SLCO5A1: variants seen among roughly 807,000 people sequenced by gnomAD.
SLCO5A1 encodes the protein solute carrier organic anion transporter family member 5A1.
A neutral mutation model predicts 65.1 loss-of-function variants in SLCO5A1; 39 were observed. The ratio of observed to expected loss-of-function variants is 0.60; its 90% CI spans 0.46 to 0.78. SLCO5A1 has a LOEUF of 0.78. SLCO5A1 is among the 30% of genes least tolerant of loss of function. The pLI is 0.00. For synonymous variants in SLCO5A1, 438 were observed against 415.7 expected, an observed-to-expected ratio of 1.05 and a Z score of -0.65; for missense variants, 1,029 against 1,069.4, an observed-to-expected ratio of 0.96 and a Z score of 0.53.
intron 3 of SLCO5A1, among the ~76,000 whole-genome samples, chr8:69,756,150 G>A (rs376460792): frequency 1.2e-4 from 19 of 152,100 alleles, no homozygotes; most frequent in East Asian, 3.8e-4. Flanking sequence ...CCAGCTGGGC[G>A]CGGTGACTCA....
At chr8:69,810,897 G>A (rs563483529) in intron 2 of SLCO5A1, among the ~76,000 whole-genome samples, 76 of 151,918 alleles carry the variant, frequency 5.0e-4, no homozygotes, top group Non-Finnish European at 8.1e-4. Context: ...TTTTTGTTTC[G>A]GTCTACATCC....
intron 6 of SLCO5A1, among the ~76,000 whole-genome samples, chr8:69,695,400 C>T (rs1006199029): frequency 6.6e-6 from 1 of 152,024 alleles, no homozygotes; most frequent in African/African-American, 2.4e-5. Context: ...GAGGCTGAGG[C>T]AGGGATAATT....
In SLCO5A1 at chr8:69,722,350, T is replaced by A. The variant is rs1305880336; in HGVS notation, c.1423+15690A>T. On this transcript the variant is annotated intron_variant, in intron 5 of 9. Coordinates refer to ENST00000260126, the MANE Select transcript of SLCO5A1 (RefSeq NM_030958.3). ...TTAATTGATCAATACAACAGCTCTA[T>A]AAACAGGTATTATCTCCTTATACAG... Among the ~76,000 whole-genome samples, 4 of 152,262 alleles carry A rather than the reference T, an allele frequency of 2.6e-5. No homozygotes were observed. The Middle Eastern group carries it at 0.01, about 388-fold the overall frequency.
chr8:69,711,557 C>T (rs1453130313), intron 5 of SLCO5A1, among the ~76,000 whole-genome samples: 1 of 152,184 alleles, frequency 6.6e-6, no homozygotes, highest in Non-Finnish European at 1.5e-5. Context: ...CACCCGAGGC[C>T]CGAGGTGCCA....
intron 5 of SLCO5A1, among the ~76,000 whole-genome samples, chr8:69,731,793 G>C (rs1816349317): frequency 6.6e-6 from 1 of 152,142 alleles, no homozygotes; most frequent in South Asian, 2.1e-4. Context: ...ACAAAATGTT[G>C]GTTTGCAAGT....
At position 69,750,110 on chromosome 8, in the gene SLCO5A1, A is replaced by G. The variant is rs115144905; in HGVS notation, c.1258+5314T>C. On this transcript the variant is annotated intron_variant, in intron 4 of 9. Transcript: ENST00000260126. ...GTGGGACTGAAAGGAGATAAAGTCG[A>G]AGAGGTAACCAGGGGTTAAATCATA... 9.0e-3 allele frequency among the ~76,000 whole-genome samples: 1,366 copies of G among 152,318 alleles called. 19 individuals carry two copies. Among genetic ancestry groups the G allele is most frequent in the African/African-American group, 0.031 (1,287 of 41,564 alleles).
At chr8:69,693,787 T>G (rs1210838325) in intron 6 of SLCO5A1, among the ~76,000 whole-genome samples, 5 of 152,220 alleles carry the variant, frequency 3.3e-5, no homozygotes, top group African/African-American at 1.2e-4. Flanking sequence ...GATCACATCT[T>G]AATGTTGAAG....
intron 6 of SLCO5A1, among the ~76,000 whole-genome samples, chr8:69,686,829 C>G (rs11775722): frequency 0.11 from 17,294 of 152,192 alleles, 1,247 homozygotes; most frequent in Non-Finnish European, 0.17. Flanking sequence ...TGCAGTTTTT[C>G]TCGCACTCTG....
intron 6 of SLCO5A1, among the ~76,000 whole-genome samples, chr8:69,684,189 A>C: frequency 6.6e-6 from 1 of 152,310 alleles, no homozygotes; most frequent in East Asian, 1.9e-4. Context: ...ATATACCTAA[A>C]AAAATATTAT....
At chr8:69,802,314 G>A (rs796239467) in intron 2 of SLCO5A1, among the ~76,000 whole-genome samples, 9 of 151,956 alleles carry the variant, frequency 5.9e-5, no homozygotes, top group African/African-American at 2.2e-4. Flanking sequence ...ACCAGTCTGG[G>A]CAACATAGTG....
chr8:69,690,058 G>C (rs181600180), intron 6 of SLCO5A1, among the ~76,000 whole-genome samples: 1 of 146,980 alleles, frequency 6.8e-6, no homozygotes, highest in Non-Finnish European at 1.5e-5. Context: ...GGTACGGGGG[G>C]GCGCCAGGGG....
intron 5 of SLCO5A1, among the ~76,000 whole-genome samples, chr8:69,727,440 T>A (rs1239870411): frequency 6.6e-6 from 1 of 152,228 alleles, no homozygotes; most frequent in East Asian, 1.9e-4. Context: ...TACAGTTACA[T>A]ATTATACAGT....
intron 2 of SLCO5A1, among the ~76,000 whole-genome samples, chr8:69,822,549 T>A (rs1563375920): frequency 1.3e-5 from 2 of 152,222 alleles, no homozygotes; most frequent in South Asian, 4.1e-4. Flanking sequence ...TTTTTCCAAT[T>A]TTAGAATAGA....
intron 5 of SLCO5A1, among the ~76,000 whole-genome samples, chr8:69,716,113 T>G (rs56025204): frequency 6.6e-6 from 1 of 152,302 alleles, no homozygotes; most frequent in Non-Finnish European, 1.5e-5. Context: ...ACTTAGTATG[T>G]TTTCAAGGTT....
chr8:69,825,065 C>A (rs1414055554), intron 2 of SLCO5A1, among the ~76,000 whole-genome samples: 2 of 152,108 alleles, frequency 1.3e-5, no homozygotes, highest in East Asian at 3.9e-4. Context: ...AGGCCTTTGA[C>A]AAAATTCAAC....
At chr8:69,762,449 G>T (rs971006379) in intron 2 of SLCO5A1, among the ~76,000 whole-genome samples, 6 of 152,076 alleles carry the variant, frequency 3.9e-5, no homozygotes, top group African/African-American at 1.4e-4. Flanking sequence ...GCCTCCCAAA[G>T]TGCTGGGATT....
intron 5 of SLCO5A1, among the ~76,000 whole-genome samples, chr8:69,711,148 T>C (rs770884382): frequency 8.6e-5 from 13 of 151,904 alleles, no homozygotes; most frequent in African/African-American, 1.7e-4. Context: ...CCACTCCCTA[T>C]TGGGGGTGGA....
rs144305227 is a variant in SLCO5A1 at position 69,674,784 on chromosome 8, G to A, written c.2090-1458C>T. On this transcript the variant is annotated intron_variant, in intron 9 of 9. Coordinates refer to ENST00000260126, the MANE Select transcript of SLCO5A1 (RefSeq NM_030958.3). The stretch of plus-strand genomic sequence containing the variant: ...ATCTGTAATCCCAGAACTTTGGGAG[G>A]CCAAAGCGGGTGGATCACCTGAGGT... Among the ~76,000 whole-genome samples the A allele has an allele frequency of 9.4e-3, 1,429 of 151,542 alleles. 5 individuals are homozygous for A. The highest frequency in any genetic ancestry group is 0.031 in the Middle Eastern group (9 of 292).
chr8:69,827,967 T>C (rs1392705383), intron 2 of SLCO5A1, among the ~76,000 whole-genome samples: 1 of 152,166 alleles, frequency 6.6e-6, no homozygotes, highest in Non-Finnish European at 1.5e-5. Flanking sequence ...TTACAGTTGG[T>C]TCTCAGGGCT....
Sources: allele counts gnomAD v4.1 joint callset (sites outside exome capture counted in the v4.1 genomes callset), GRCh38; gene constraint gnomAD v4.1.1; transcripts MANE v1.5; gene names NCBI Gene and HGNC (gene_info 2026-07-23, HGNC 2026-07-21).